Variants in BACH2 observed in about 807,000 individuals in gnomAD.
The protein encoded by BACH2 is transcription regulator protein BACH2.
BACH2 carries 5 observed loss-of-function variants against 61.8 expected under a neutral mutation model. The observed-to-expected ratio is 0.08, with a 90% CI of 0.04 to 0.17. The LOEUF is 0.17. Among genes scored for constraint, BACH2 ranks in the 10% least tolerant of loss-of-function variants. The pLI, the probability that BACH2 is intolerant of heterozygous loss-of-function variation, is 1.00. For synonymous variants in BACH2, 446 were observed against 440.1 expected (o/e 1.01, Z -0.17); for missense variants, 824 against 1,091.1 (o/e 0.76, Z 3.45).
chr6:89,999,866 G>C (rs566689983), intron 6 of BACH2, among the ~76,000 whole-genome samples: 2 of 152,192 alleles, frequency 1.3e-5, no homozygotes, highest in Non-Finnish European at 2.9e-5. Flanking sequence ...TGATTATTGT[G>C]GTCATCCTAC....
chr6:90,275,706 C>T (rs527896610), intron 1 of BACH2, among the ~76,000 whole-genome samples: 1 of 151,922 alleles, frequency 6.6e-6, no homozygotes, highest in Non-Finnish European at 1.5e-5. Flanking sequence ...ATGGGCGTAG[C>T]GGCTCACGCC....
chr6:89,994,906 T>C (rs1184011518), intron 6 of BACH2, among the ~76,000 whole-genome samples: 2 of 152,228 alleles, frequency 1.3e-5, no homozygotes, highest in Admixed American at 6.5e-5. Context: ...CACGTTCTCA[T>C]GGCTCTTCGT....
At chr6:90,253,729 G>A (rs553116440) in intron 2 of BACH2, among the ~76,000 whole-genome samples, 1 of 152,210 alleles carries the variant, frequency 6.6e-6, no homozygotes, top group South Asian at 2.1e-4. Context: ...ATACCTCGTG[G>A]AAGAATCCAA....
intron 3 of BACH2, among the ~76,000 whole-genome samples, chr6:90,226,144 G>A (rs1769906014): frequency 6.6e-6 from 1 of 152,214 alleles, no homozygotes; most frequent in Admixed American, 6.5e-5. Context: ...GCATCTGGAG[G>A]TGAGAGCCAG....
At chr6:89,936,331 G>A (rs1773018838) in intron 8 of BACH2, among the ~76,000 whole-genome samples, 1 of 152,146 alleles carries the variant, frequency 6.6e-6, no homozygotes, top group Admixed American at 6.5e-5. Flanking sequence ...ATTTAGAGAT[G>A]GGGTCTTGCT....
At chr6:90,073,444 G>A (rs560238661) in intron 5 of BACH2, among the ~76,000 whole-genome samples, 3 of 152,168 alleles carry the variant, frequency 2.0e-5, no homozygotes, top group African/African-American at 4.8e-5. Flanking sequence ...AACAGAGATC[G>A]AGATGAAACA....
intron 1 of BACH2, among the ~76,000 whole-genome samples, chr6:90,284,125 A>G (rs1771943472): frequency 6.6e-6 from 1 of 152,188 alleles, no homozygotes; most frequent in African/African-American, 2.4e-5. Flanking sequence ...AAAATACAAA[A>G]AGCAAAGGCT....
Position 89,928,671 on chromosome 6 carries a change from G to A in BACH2, c.*3737C>T, listed in dbSNP as rs1065273. 54,184 of 152,406 alleles carry A rather than the reference G, an allele frequency of 0.36. 10,568 individuals carry two copies. The highest frequency in any genetic ancestry group is 0.68 in the East Asian group (3,598 of 5,264). 9.4% of individuals were successfully genotyped at this position (152,406 alleles called of 1,614,324 possible). ...TTGTTCCCTTCCTTGGAAAAGCAAT[G>A]TAAGGATTACATCCCGAATTATAGT... On this transcript the variant is annotated 3_prime_UTR_variant, in exon 9 of 9. Coordinates refer to ENST00000257749, the MANE Select transcript of BACH2 (RefSeq NM_021813.4).
At chr6:90,090,971 G>C (rs1338054209) in intron 4 of BACH2, among the ~76,000 whole-genome samples, 1 of 152,158 alleles carries the variant, frequency 6.6e-6, no homozygotes, top group African/African-American at 2.4e-5. Flanking sequence ...TGATTACAGT[G>C]TGTCCACTCC....
At chr6:89,995,501 G>A (rs1776796371) in intron 6 of BACH2, among the ~76,000 whole-genome samples, 1 of 152,126 alleles carries the variant, frequency 6.6e-6, no homozygotes, top group South Asian at 2.1e-4. Context: ...ATTGACCCCT[G>A]CCCGGGTTAC....
intron 4 of BACH2, among the ~76,000 whole-genome samples, chr6:90,205,989 T>C (rs1769131675): frequency 1.3e-5 from 2 of 152,184 alleles, no homozygotes; most frequent in South Asian, 4.1e-4. Flanking sequence ...ATGGAAAAGA[T>C]GCACCTTACA....
intron 1 of BACH2, among the ~76,000 whole-genome samples, chr6:90,295,708 C>T (rs1582577660): frequency 1.3e-5 from 2 of 151,516 alleles, no homozygotes; most frequent in South Asian, 2.1e-4. Context: ...CATGGAGGAT[C>T]TGTGGGAGAG....
chr6:89,966,176 C>G (rs1192798235), intron 6 of BACH2, among the ~76,000 whole-genome samples: 2 of 152,166 alleles, frequency 1.3e-5, no homozygotes, highest in African/African-American at 4.8e-5. Context: ...AGTCTTTAGT[C>G]TCTTTCATCT....
At chr6:89,974,604 G>T (rs1331812151) in intron 6 of BACH2, among the ~76,000 whole-genome samples, 2 of 152,160 alleles carry the variant, frequency 1.3e-5, no homozygotes, top group Non-Finnish European at 2.9e-5. Context: ...TCTCCTTGCT[G>T]CCAATTAAAG....
At chr6:90,079,133 A>G (rs1211977348) in intron 5 of BACH2, among the ~76,000 whole-genome samples, 1 of 152,180 alleles carries the variant, frequency 6.6e-6, no homozygotes. Context: ...TCTTCTAGCC[A>G]CAAACGGACA....
At chr6:90,040,151 G>C (rs1396684738) in intron 5 of BACH2, among the ~76,000 whole-genome samples, 4 of 151,706 alleles carry the variant, frequency 2.6e-5, no homozygotes. Flanking sequence ...ACTTTGAAAG[G>C]CCTTCCCAAC....
At chr6:90,030,520 A>C (rs1370829332) in intron 5 of BACH2, among the ~76,000 whole-genome samples, 2 of 152,170 alleles carry the variant, frequency 1.3e-5, no homozygotes, top group Admixed American at 1.3e-4. Flanking sequence ...GACAAAGGGG[A>C]TATCACCACC....
intron 6 of BACH2, among the ~76,000 whole-genome samples, chr6:90,001,730 C>G (rs967469917): frequency 6.6e-6 from 1 of 152,104 alleles, no homozygotes; most frequent in African/African-American, 2.4e-5. Flanking sequence ...AGAGTCCTCA[C>G]CTCACATTTC....
chr6:89,969,130 C>G (rs560448916), intron 6 of BACH2, among the ~76,000 whole-genome samples: 10 of 149,508 alleles, frequency 6.7e-5, no homozygotes, highest in African/African-American at 2.2e-4. Flanking sequence ...CTTGGCTCAC[C>G]GCAACCTCCG....
Sources: gnomAD v4.1 joint callset for allele counts (sites outside exome capture counted in the v4.1 genomes callset) on GRCh38, gnomAD v4.1.1 for gene constraint, MANE v1.5 for transcripts, NCBI Gene and HGNC (gene_info 2026-07-23, HGNC 2026-07-21) for gene names.